The following SORCS3 variants were observed in gnomAD, a reference collection of about 807,000 sequenced individuals.
SORCS3 encodes VPS10 domain-containing receptor SorCS3.
SORCS3 carries 57 observed loss-of-function variants against 146.3 expected under a neutral mutation model. The observed-to-expected ratio is 0.39, with a 90% CI of 0.31 to 0.49. The LOEUF (loss-of-function observed/expected upper bound fraction) is 0.49. Among genes scored for constraint, SORCS3 ranks in the 20% least tolerant of loss-of-function variants. The pLI, the probability that SORCS3 is intolerant of heterozygous loss-of-function variation, is 0.92. For missense variants in SORCS3, 1,341 were observed against 1,575.5 expected (o/e 0.85, Z 2.52); for synonymous variants, 653 against 618.5 (o/e 1.06, Z -0.83).
At chr10:105,140,212 T>C (rs2056085724) in intron 8 of SORCS3, among the ~76,000 whole-genome samples, 1 of 152,148 alleles carries the variant, frequency 6.6e-6, no homozygotes, top group Non-Finnish European at 1.5e-5. Context: ...GTCTCTAAGC[T>C]GGTACTAAGG....
chr10:104,700,315 G>A (rs1313123845), intron 1 of SORCS3, among the ~76,000 whole-genome samples: 1 of 152,200 alleles, frequency 6.6e-6, no homozygotes, highest in African/African-American at 2.4e-5. Context: ...GAGCCAGAGA[G>A]GCTCAGTGTG....
chr10:104,708,682 T>C (rs1321004451), intron 1 of SORCS3, among the ~76,000 whole-genome samples: 3 of 151,976 alleles, frequency 2.0e-5, no homozygotes, highest in African/African-American at 4.8e-5. Flanking sequence ...CCACATTTCT[T>C]CCCCCCCATC....
chr10:105,167,279 G>A lies in SORCS3; in HGVS notation c.1831G>A (p.Val611Ile), dbSNP rs150989181. 1.1e-5 allele frequency: 18 copies of A among 1,613,114 alleles called. No homozygotes were observed. The highest frequency in any genetic ancestry group is 8.0e-5 in the African/African-American group (6 of 74,876). ...CCAGATCTTTGATGAAGAGTACAAT[G>A]TCTGGTTCCTAGACTGGGGTGGTGC... ...WRQIFDEEYN[V>I]WFLDWGGALV... is the part of the protein sequence containing the mutation. The change falls in exon 13 of 27, where the codon GTC (valine) becomes ATC (isoleucine). Residue 611 changes from valine to isoleucine, a missense_variant. Transcript: ENST00000369701.
chr10:104,984,363 T>A (rs192426225), intron 4 of SORCS3, among the ~76,000 whole-genome samples: 2 of 152,350 alleles, frequency 1.3e-5, no homozygotes, highest in Admixed American at 1.3e-4. Context: ...TTCTGTACGA[T>A]AATTATAATA....
intron 5 of SORCS3, among the ~76,000 whole-genome samples, chr10:105,066,888 G>T (rs187206341): frequency 6.6e-6 from 1 of 152,128 alleles, no homozygotes; most frequent in East Asian, 1.9e-4. Context: ...CCTAAAAGAC[G>T]TAAATGTACC....
At position 104,961,404 on chromosome 10, in the gene SORCS3, G is replaced by A. The variant is rs147938796; in HGVS notation, c.796-15931G>A. 7.9e-5 allele frequency among the ~76,000 whole-genome samples: 12 copies of A among 152,194 alleles called. 1 individual carries two copies. The highest frequency in any genetic ancestry group is 2.9e-4 in the African/African-American group (12 of 41,534). Reference sequence around the variant, plus strand: ...CTTCCTTTAATGATCCTAATGTGGAGAAAAGAAACAAAGAAAAGCCCCAAA... The same window carrying A: ...CTTCCTTTAATGATCCTAATGTGGAAAAAAGAAACAAAGAAAAGCCCCAAA... On this transcript the variant is annotated intron_variant, in intron 3 of 26. Coordinates refer to ENST00000369701, the MANE Select transcript of SORCS3 (RefSeq NM_014978.3).
intron 3 of SORCS3, among the ~76,000 whole-genome samples, chr10:104,937,665 C>A (rs1468040768): frequency 6.6e-6 from 1 of 152,180 alleles, no homozygotes; most frequent in African/African-American, 2.4e-5. Flanking sequence ...GAAGGGCAAC[C>A]CTTCCCCACT....
At chr10:105,207,335 A>G (rs928906337) in intron 16 of SORCS3, among the ~76,000 whole-genome samples, 16 of 145,946 alleles carry the variant, frequency 1.1e-4, no homozygotes, top group African/African-American at 4.0e-4. Flanking sequence ...CCTCCTTTAG[A>G]ATCTAAGCCT....
chr10:105,217,714 C>A, intron 19 of SORCS3: 1 of 432,398 alleles, frequency 2.3e-6, no homozygotes, highest in Non-Finnish European at 4.7e-6. Context: ...TTGCTATTGG[C>A]TGTTGCTTGG....
chr10:105,039,905 C>A (rs904972910), intron 4 of SORCS3, among the ~76,000 whole-genome samples: 3 of 152,034 alleles, frequency 2.0e-5, no homozygotes, highest in African/African-American at 7.2e-5. Context: ...GTCAGTGTGA[C>A]CCTCATGGTT....
intron 22 of SORCS3, among the ~76,000 whole-genome samples, chr10:105,248,822 G>T (rs192318835): frequency 1.3e-5 from 2 of 152,162 alleles, no homozygotes; most frequent in Non-Finnish European, 2.9e-5. Flanking sequence ...AGCTAGGATG[G>T]TTATGTCATA....
At chr10:105,002,688 T>C (rs2055069626) in intron 4 of SORCS3, among the ~76,000 whole-genome samples, 1 of 152,246 alleles carries the variant, frequency 6.6e-6, no homozygotes, top group Non-Finnish European at 1.5e-5. Flanking sequence ...GTAGAACTTT[T>C]GCATCATTGC....
chr10:105,078,774 C>A (rs1350827887), intron 5 of SORCS3, among the ~76,000 whole-genome samples: 2 of 152,120 alleles, frequency 1.3e-5, no homozygotes, highest in Non-Finnish European at 2.9e-5. Flanking sequence ...GCCATTATTA[C>A]CTCCCCATTG....
intron 2 of SORCS3, among the ~76,000 whole-genome samples, chr10:104,889,776 C>A (rs1465637175): frequency 1.3e-5 from 2 of 152,050 alleles, no homozygotes; most frequent in African/African-American, 4.8e-5. Context: ...TTATATTTAT[C>A]CATGTAGTCA....
chr10:104,760,699 A>G (rs1243638534), intron 1 of SORCS3, among the ~76,000 whole-genome samples: 1 of 152,224 alleles, frequency 6.6e-6, no homozygotes, highest in Non-Finnish European at 1.5e-5. Context: ...AGAGGCAGAC[A>G]CTGTGATGGC....
Position 104,867,916 on chromosome 10 carries a change from C to A in SORCS3, c.695+25057C>A, listed in dbSNP as rs142247831. Among the ~76,000 whole-genome samples the A allele has an allele frequency of 4.4e-3, 674 of 152,288 alleles. 4 individuals are homozygous for A. The highest frequency in any genetic ancestry group is 0.015 in the African/African-American group (635 of 41,562). On this transcript the variant is annotated intron_variant, in intron 2 of 26. Transcript: ENST00000369701. The stretch of plus-strand genomic sequence containing the variant: ...TGTTAAAGACCCTTTTTAAGTGGAT[C>A]ATTTTCTTCCTTTTACACAGCCATC...
intron 2 of SORCS3, among the ~76,000 whole-genome samples, chr10:104,903,946 G>GT (rs1218653568): frequency 6.6e-6 from 1 of 152,078 alleles, no homozygotes; most frequent in Admixed American, 6.5e-5. Flanking sequence ...GGAAACTATA[G>GT]TTTTTTAAAT....
intron 2 of SORCS3, among the ~76,000 whole-genome samples, chr10:104,875,693 T>C (rs993696601): frequency 6.6e-6 from 1 of 152,196 alleles, no homozygotes; most frequent in African/African-American, 2.4e-5. Context: ...TAGTTAGTTA[T>C]TGCCGCTGGC....
intron 1 of SORCS3, among the ~76,000 whole-genome samples, chr10:104,828,743 A>G (rs906742186): frequency 6.6e-6 from 1 of 152,196 alleles, no homozygotes; most frequent in Non-Finnish European, 1.5e-5. Flanking sequence ...TGTCTTCTCT[A>G]GTGGCCCTTA....
Sources: allele counts gnomAD v4.1 joint callset (sites outside exome capture counted in the v4.1 genomes callset), GRCh38; gene constraint gnomAD v4.1.1; transcripts MANE v1.5; gene names NCBI Gene and HGNC (gene_info 2026-07-23, HGNC 2026-07-21).